The following INPP1 variants were observed in gnomAD, a reference collection of about 807,000 sequenced individuals.
INPP1 encodes the protein inositol polyphosphate 1-phosphatase.
Under a neutral mutation model 23.0 loss-of-function variants are expected in INPP1, and 18 were observed. The ratio of observed to expected loss-of-function variants is 0.78; its 90% CI spans 0.54 to 1.16. The LOEUF is 1.16. INPP1 is among the 50% of genes most tolerant of loss of function. The probability of loss-of-function intolerance (pLI) is 0.00; values close to 1 mark genes in which losing one functional copy is unlikely to be tolerated. For missense variants in INPP1, 448 were observed against 482.1 expected (o/e 0.93, Z 0.66); for synonymous variants, 164 against 176.3 (o/e 0.93, Z 0.55).
chr2:190,370,840 A>G lies in INPP1; in HGVS notation c.642-4A>G. On this transcript the variant is annotated splice_region_variant and splice_polypyrimidine_tract_variant and intron_variant, in intron 6 of 6. Coordinates refer to ENST00000392329, the MANE Select transcript of INPP1 (RefSeq NM_001128928.2). ...CATCACCAATTGAAATTTTTCTTCT[A>G]CAGGTGGAAAGGACAGTGCTATTGG... is the stretch of plus-strand genomic sequence containing the variant. The G allele has an allele frequency of 6.4e-7, 1 of 1,560,960 alleles. No homozygotes were observed. Among genetic ancestry groups the G allele is most frequent in the Non-Finnish European group, 8.7e-7 (1 of 1,153,424 alleles).
At position 190,368,091 on chromosome 2, in the gene INPP1, T is replaced by C. The variant is rs1689720261; in HGVS notation, c.467-1012T>C. Among the ~76,000 whole-genome samples, 1 of 152,216 alleles carries C rather than the reference T, an allele frequency of 6.6e-6. No homozygotes were observed. Among genetic ancestry groups the C allele is most frequent in the Non-Finnish European group, 1.5e-5 (1 of 68,036 alleles). On this transcript the variant is annotated intron_variant, in intron 5 of 6. Transcript: ENST00000392329. The surrounding 1 kb of genome is among the most constrained non-coding windows in gnomAD (Gnocchi z 4.3). ...TCACATTCAGCCAGTGGATGATATA[T>C]GGAAACTAAAAACCTTTCCCCAAAT...
intron 5 of INPP1, 47 bp from the exon 6 acceptor site, chr2:190,369,056 C>G: frequency 1.1e-5 from 14 of 1,244,338 alleles, no homozygotes; most frequent in Non-Finnish European, 1.6e-5. Flanking sequence ...ACAGAGTCTT[C>G]TAAATGATCT....
intron 2 of INPP1, among the ~76,000 whole-genome samples, chr2:190,358,016 G>A (rs951399006): frequency 6.6e-6 from 1 of 151,182 alleles, no homozygotes; most frequent in Non-Finnish European, 1.5e-5. Context: ...TACTCCCATT[G>A]CATCTATGTC....
At position 190,355,299 on chromosome 2, in the gene INPP1, A is replaced by G. The variant is rs1426167486; in HGVS notation, c.-64-4740A>G. On this transcript the variant is annotated intron_variant, in intron 2 of 6. Transcript: ENST00000392329. This position sits in a 1 kb window ranked among gnomAD's most constrained non-coding sequence, Gnocchi z 5.1. ...CTGGCATATAGTAAGCACCTAGTAA[A>G]TGTTAGCTGTTTCAATTTTAACCTA... 6.6e-6 allele frequency among the ~76,000 whole-genome samples: 1 copy of G among 152,208 alleles called. No homozygotes were observed. Among genetic ancestry groups the G allele is most frequent in the East Asian group, 1.9e-4 (1 of 5,200 alleles).
At chr2:190,364,043 T>G (rs2124935968) in intron 4 of INPP1, among the ~76,000 whole-genome samples, 1 of 152,312 alleles carries the variant, frequency 6.6e-6, no homozygotes, top group African/African-American at 2.4e-5. Context: ...TCCCATAAGT[T>G]TTACTGAGCC....
At chr2:190,364,019 C>T (rs901846722) in intron 4 of INPP1, among the ~76,000 whole-genome samples, 5 of 152,202 alleles carry the variant, frequency 3.3e-5, no homozygotes, top group African/African-American at 1.2e-4. Flanking sequence ...GATATAATTT[C>T]TTCCTTTGAA....
intron 1 of INPP1, among the ~76,000 whole-genome samples, chr2:190,348,479 A>G (rs1023365266): frequency 1.3e-5 from 2 of 152,198 alleles, no homozygotes; most frequent in Non-Finnish European, 2.9e-5. Context: ...TGCAACCATC[A>G]GCACTGTTCA....
In INPP1 at chr2:190,371,296, G is replaced by T; in HGVS notation, c.1094G>T (p.Arg365Leu). 1 of 1,608,772 alleles carries T rather than the reference G, an allele frequency of 6.2e-7. No homozygotes were observed. Among genetic ancestry groups the T allele is most frequent in the East Asian group, 2.2e-5 (1 of 44,826 alleles). Residue 365 changes from arginine to leucine, a missense_variant, in exon 7 of 7, where the codon CGG becomes CTG. By Grantham distance (102) the Arg-to-Leu change is moderately radical. Coordinates refer to ENST00000392329, the MANE Select transcript of INPP1 (RefSeq NM_001128928.2). This position sits in a 1 kb window ranked among gnomAD's most constrained non-coding sequence, Gnocchi z 5.3. Reference sequence around the variant, plus strand: ...AATGAGGGTGCTGCTGGGGTGGATCGGTGGGCCAACAAGGGAGGACTCATT... The same window carrying T: ...AATGAGGGTGCTGCTGGGGTGGATCTGTGGGCCAACAAGGGAGGACTCATT... The part of the protein sequence containing the change: ...VENEGAAGVD[R>L]WANKGGLIAY...
chr2:190,364,906 A>C (rs1221097399), intron 4 of INPP1, among the ~76,000 whole-genome samples: 1 of 152,016 alleles, frequency 6.6e-6, no homozygotes, highest in Non-Finnish European at 1.5e-5. Context: ...GCTCAGCCTA[A>C]GGTTCTGACT....
chr2:190,349,545 C>T (rs1338388276), intron 2 of INPP1, among the ~76,000 whole-genome samples: 1 of 152,102 alleles, frequency 6.6e-6, no homozygotes, highest in East Asian at 1.9e-4. Context: ...ACATCTGACC[C>T]TTTTTTCTGC....
chr2:190,369,094 CT>C lies in INPP1; in HGVS notation c.467-4del. The C allele has an allele frequency of 2.6e-6, 4 of 1,533,450 alleles. No homozygotes were observed. Among genetic ancestry groups the C allele is most frequent in the South Asian group, 1.3e-5 (1 of 79,794 alleles). 95.0% of individuals were successfully genotyped at this position (1,533,450 alleles called of 1,614,324 possible). On this transcript the variant is annotated splice_region_variant and splice_polypyrimidine_tract_variant and intron_variant, in intron 5 of 6. Transcript: ENST00000392329. ...ACCTGAATCCAAACACATTTGTTTC[CT>C]TTTTCAGATTCAACTTATCAGTATA...
At position 190,371,249 on chromosome 2, in the gene INPP1, A is replaced by G. The variant is rs1689797988; in HGVS notation, c.1047A>G (p.Pro349=). The G allele has an allele frequency of 6.2e-7, 1 of 1,613,152 alleles. No homozygotes were observed. The highest frequency in any genetic ancestry group is 8.5e-7 in the Non-Finnish European group (1 of 1,179,380). Residue 349 remains proline (P), a synonymous_variant, in exon 7 of 7, where the codon CCA becomes CCG. Coordinates refer to ENST00000392329, the MANE Select transcript of INPP1 (RefSeq NM_001128928.2). This position sits in a 1 kb window ranked among gnomAD's most constrained non-coding sequence, Gnocchi z 5.3. ...ERNPETGLDL[P]QLVYHVENEG... ...ATCCAGAAACAGGGCTTGATTTGCCACAGTTGGTGTACCACGTGGAAAATG... is the reference window on the plus strand; with the variant it reads ...ATCCAGAAACAGGGCTTGATTTGCCGCAGTTGGTGTACCACGTGGAAAATG...
In INPP1 at chr2:190,367,804, G is replaced by C. The variant is rs1368080919; in HGVS notation, c.466+909G>C. On this transcript the variant is annotated intron_variant, in intron 5 of 6. Coordinates refer to ENST00000392329, the MANE Select transcript of INPP1 (RefSeq NM_001128928.2). The surrounding 1 kb of genome is among the most constrained non-coding windows in gnomAD (Gnocchi z 4.1). ...TGGTCTCGAACTCCTGGGTTCAAGC[G>C]ATCTGCCTGCCTTGGCCTCCTAAAG... 6.6e-6 allele frequency among the ~76,000 whole-genome samples: 1 copy of C among 152,118 alleles called. No homozygotes were observed. The highest frequency in any genetic ancestry group is 6.5e-5 in the Admixed American group (1 of 15,276).
chr2:190,360,355 C>T, intron 3 of INPP1, 49 bp downstream of exon 3: 1 of 1,538,308 alleles, frequency 6.5e-7, no homozygotes, highest in Non-Finnish European at 8.9e-7. Context: ...GCATCTGTGG[C>T]TTTCTCCATC....
Position 190,371,449 on chromosome 2 carries a change from G to A in INPP1, c.*47G>A. On this transcript the variant is annotated 3_prime_UTR_variant, in exon 7 of 7. Transcript: ENST00000392329. The surrounding 1 kb of genome is among the most constrained non-coding windows in gnomAD (Gnocchi z 5.3). ...CCTGTATAAACTGAACTGTGAAACT[G>A]TTTCGGTTATCTCTGTCTTTTGAGG... 7.1e-7 allele frequency: 1 copy of A among 1,401,828 alleles called. No homozygotes were observed. The highest frequency in any genetic ancestry group is 9.5e-7 in the Non-Finnish European group (1 of 1,049,700). The allele number at this position is 1,401,828 out of a possible 1,614,324, so 86.8% of individuals were successfully genotyped here.
Position 190,370,927 on chromosome 2 carries a change from G to T in INPP1, c.725G>T (p.Gly242Val). The T allele has an allele frequency of 6.2e-7, 1 of 1,614,122 alleles. No individual in the cohort carries two copies. The highest frequency in any genetic ancestry group is 2.2e-5 in the East Asian group (1 of 44,884). ...SLQLTISRRNGSETHTGNTGS... is the reference protein window; with the variant it reads ...SLQLTISRRNVSETHTGNTGS... ...CAGCTCACCATCTCTAGAAGAAACG[G>T]CAGTGAAACACACACTGGAAACACC... Residue 242 changes from glycine (G) to valine (V), a missense_variant, in exon 7 of 7, where the codon GGC becomes GTC. Gly to Val is a moderately radical substitution (Grantham distance 109). Transcript: ENST00000392329.
chr2:190,371,255 G>A lies in INPP1; in HGVS notation c.1053G>A (p.Leu351=). ...NPETGLDLPQ[L]VYHVENEGAA... Reference sequence around the variant, plus strand: ...AAACAGGGCTTGATTTGCCACAGTTGGTGTACCACGTGGAAAATGAGGGTG... The same window carrying A: ...AAACAGGGCTTGATTTGCCACAGTTAGTGTACCACGTGGAAAATGAGGGTG... The change falls in exon 7 of 7, where the codon TTG becomes TTA. Residue 351 remains leucine, a synonymous_variant. Coordinates refer to ENST00000392329, the MANE Select transcript of INPP1 (RefSeq NM_001128928.2). This position sits in a 1 kb window ranked among gnomAD's most constrained non-coding sequence, Gnocchi z 5.3. 6.2e-7 allele frequency: 1 copy of A among 1,612,562 alleles called. No individual in the cohort carries two copies. The highest frequency in any genetic ancestry group is 8.5e-7 in the Non-Finnish European group (1 of 1,179,002).
rs1286894737 is a variant in INPP1 at position 190,352,439 on chromosome 2, TG to T, written c.-65+3411del. ...TGAAAGTTGAACATGGCTTATACAC[TG>T]GGAAAACAATTTAGTTTTCAATGAG... is the stretch of plus-strand genomic sequence containing the variant. On this transcript the variant is annotated intron_variant, in intron 2 of 6. Transcript: ENST00000392329. This position sits in a 1 kb window ranked among gnomAD's most constrained non-coding sequence, Gnocchi z 4.7. 2.0e-5 allele frequency among the ~76,000 whole-genome samples: 3 copies of T among 152,202 alleles called. No individual in the cohort carries two copies. The highest frequency in any genetic ancestry group is 2.9e-5 in the Non-Finnish European group (2 of 68,030).
intron 2 of INPP1, among the ~76,000 whole-genome samples, chr2:190,357,327 G>A (rs1450445974): frequency 1.3e-5 from 2 of 152,094 alleles, no homozygotes; most frequent in African/African-American, 2.4e-5. Flanking sequence ...ATTTCCTGTA[G>A]AGTATTTGAA....
Sources: gnomAD v4.1 joint callset for allele counts (sites outside exome capture counted in the v4.1 genomes callset) on GRCh38, gnomAD v4.1.1 for gene constraint, Gnocchi (gnomAD v3.1) non-coding constraint, MANE v1.5 for transcripts, NCBI Gene and HGNC (gene_info 2026-07-23, HGNC 2026-07-21) for gene names.